Variants in CYB5B observed in about 807,000 individuals in gnomAD.
CYB5B encodes the protein cytochrome b5 type B (outer mitochondrial membrane).
Under a neutral mutation model 21.3 loss-of-function variants are expected in CYB5B, and 14 were observed. The ratio of observed to expected loss-of-function variants is 0.66; its 90% CI spans 0.43 to 1.03. The LOEUF is 1.03. Among genes scored for constraint, CYB5B ranks in the 50% least tolerant of loss-of-function variants. The pLI, the probability that CYB5B is intolerant of heterozygous loss-of-function variation, is 0.00. For synonymous variants in CYB5B, 69 were observed against 68.4 expected (o/e 1.01, Z -0.04); for missense variants, 166 against 185.1 (o/e 0.90, Z 0.60).
chr16:69,426,128 G>A (rs2014643611), intron 1 of CYB5B, among the ~76,000 whole-genome samples: 1 of 152,116 alleles, frequency 6.6e-6, no homozygotes, highest in African/African-American at 2.4e-5. Context: ...GGTCGGGCGC[G>A]GTGGCTCACG....
chr16:69,441,738 C>T (rs962339219), intron 1 of CYB5B, among the ~76,000 whole-genome samples: 2 of 152,128 alleles, frequency 1.3e-5, no homozygotes, highest in African/African-American at 2.4e-5. Context: ...TGGACATATA[C>T]AGTATAGAAA....
chr16:69,459,099 T>C lies in CYB5B; in HGVS notation c.340T>C (p.Ser114Pro), dbSNP rs2015008786. The C allele has an allele frequency of 6.2e-7, 1 of 1,603,492 alleles. No homozygotes were observed. The highest frequency in any genetic ancestry group is 8.5e-7 in the Non-Finnish European group (1 of 1,176,232). ...LKPESGSKDP[S>P]KNDTCKSCWA... ...TTTTTTTTTTTTATTTCAGGACCCT[T>C]CAAAAAATGATACATGCAAAAGGTT... is the stretch of plus-strand genomic sequence containing the variant. The change falls in exon 4 of 5, where the codon TCA (serine) becomes CCA (proline). Residue 114 changes from serine to proline, a missense_variant. Physicochemically the swap from Ser to Pro is moderately conservative, Grantham distance 74. Transcript: ENST00000307892.
At chr16:69,452,848 A>G (rs899750942) in intron 3 of CYB5B, among the ~76,000 whole-genome samples, 1 of 151,634 alleles carries the variant, frequency 6.6e-6, no homozygotes, top group Non-Finnish European at 1.5e-5. Flanking sequence ...AAAATACAAA[A>G]ATTAGCTGGG....
At chr16:69,426,699 C>CAA (rs11434223) in intron 1 of CYB5B, among the ~76,000 whole-genome samples, 14,396 of 95,098 alleles carry the variant, frequency 0.15, 1,660 homozygotes, top group Middle Eastern at 0.18. Context: ...AGCGAGACTC[C>CAA]AAAAAAAAAA....
At chr16:69,444,467 C>T (rs1468975558) in intron 1 of CYB5B, among the ~76,000 whole-genome samples, 1 of 152,180 alleles carries the variant, frequency 6.6e-6, no homozygotes, top group African/African-American at 2.4e-5. Flanking sequence ...GCTGGGCTGC[C>T]AGTGGCCCAT....
chr16:69,456,977 A>G (rs192831134), intron 3 of CYB5B, among the ~76,000 whole-genome samples: 10 of 152,302 alleles, frequency 6.6e-5, no homozygotes, highest in Admixed American at 6.5e-5. Context: ...CTACTTGGCT[A>G]TCAGTATCCT....
chr16:69,429,183 G>A (rs190961863), intron 1 of CYB5B, among the ~76,000 whole-genome samples: 103 of 152,228 alleles, frequency 6.8e-4, no homozygotes, highest in African/African-American at 2.5e-3. Context: ...ATAGACCTTC[G>A]CGGTGAGTGT....
intron 1 of CYB5B, among the ~76,000 whole-genome samples, chr16:69,441,621 C>T (rs2014824249): frequency 6.6e-6 from 1 of 152,306 alleles, no homozygotes; most frequent in Admixed American, 6.5e-5. Context: ...CAGAAAAATT[C>T]CTGTGCAACC....
chr16:69,431,217 G>C (rs2014702406), intron 1 of CYB5B, among the ~76,000 whole-genome samples: 1 of 151,360 alleles, frequency 6.6e-6, no homozygotes, highest in Non-Finnish European at 1.5e-5. Flanking sequence ...TCGAACTCCT[G>C]ACCTCAAGTG....
Position 69,466,173 on chromosome 16 carries a change from T to G in CYB5B, c.*3653T>G, listed in dbSNP as rs1182452460. 2 of 152,666 alleles carry G rather than the reference T, an allele frequency of 1.3e-5. No individual in the cohort carries two copies. Among genetic ancestry groups the G allele is most frequent in the Non-Finnish European group, 2.9e-5 (2 of 68,040 alleles). The allele number at this position is 152,666 out of a possible 1,614,324, so 9.5% of individuals were successfully genotyped here. ...AGTTAGTTTACCTTTTTCAGAATAT[T>G]TTGAACAAAGATCTTTGTCTCTTTC... is the stretch of plus-strand genomic sequence containing the variant. On this transcript the variant is annotated 3_prime_UTR_variant, in exon 5 of 5. Coordinates refer to ENST00000307892, the MANE Select transcript of CYB5B (RefSeq NM_030579.3).
intron 1 of CYB5B, among the ~76,000 whole-genome samples, chr16:69,440,419 A>G (rs1322175354): frequency 1.3e-5 from 2 of 152,198 alleles, no homozygotes; most frequent in Non-Finnish European, 2.9e-5. Flanking sequence ...TAGTAAGTGA[A>G]CACACTTGTA....
At chr16:69,447,377 C>T in intron 2 of CYB5B, 99 bp downstream of exon 2, 1 of 1,485,264 alleles carries the variant, frequency 6.7e-7, no homozygotes, top group Non-Finnish European at 9.1e-7. Flanking sequence ...CGTGGTGGCT[C>T]ACACCTGTCA....
chr16:69,426,549 A>G (rs961213186), intron 1 of CYB5B, among the ~76,000 whole-genome samples: 3 of 150,220 alleles, frequency 2.0e-5, no homozygotes, highest in Non-Finnish European at 4.4e-5. Flanking sequence ...TACTAAAAAT[A>G]CAAAAATTAG....
chr16:69,457,511 C>A (rs1369475293), intron 3 of CYB5B, among the ~76,000 whole-genome samples: 1 of 152,142 alleles, frequency 6.6e-6, no homozygotes, highest in Non-Finnish European at 1.5e-5. Flanking sequence ...TTCTCGGTTA[C>A]TGTAGTGGAA....
chr16:69,441,249 G>A (rs1039742174), intron 1 of CYB5B, among the ~76,000 whole-genome samples: 2 of 150,578 alleles, frequency 1.3e-5, no homozygotes, highest in Non-Finnish European at 2.9e-5. Context: ...CGCCTCCCGC[G>A]TTCAAGTGAT....
intron 1 of CYB5B, among the ~76,000 whole-genome samples, chr16:69,434,012 T>G (rs2014732480): frequency 6.6e-6 from 1 of 152,244 alleles, no homozygotes; most frequent in Non-Finnish European, 1.5e-5. Flanking sequence ...TATGGTATTA[T>G]AATCTTATGG....
chr16:69,456,297 T>A (rs955353270), intron 3 of CYB5B, among the ~76,000 whole-genome samples: 2 of 152,102 alleles, frequency 1.3e-5, no homozygotes, highest in Non-Finnish European at 2.9e-5. Context: ...TGAACCAAGG[T>A]GCCCAGCCCT....
At chr16:69,426,321 C>T (rs2014645746) in intron 1 of CYB5B, among the ~76,000 whole-genome samples, 1 of 151,186 alleles carries the variant, frequency 6.6e-6, no homozygotes, top group East Asian at 1.9e-4. Context: ...ATGGCGTGAA[C>T]CCGGGAGGTG....
At chr16:69,447,126 T>C in intron 1 of CYB5B, 24 bp from the exon 2 acceptor site, 1 of 1,611,292 alleles carries the variant, frequency 6.2e-7, no homozygotes, top group Non-Finnish European at 8.5e-7. Context: ...AACCCTCGGT[T>C]CAGTAAATAT....
Sources: allele counts gnomAD v4.1 joint callset (sites outside exome capture counted in the v4.1 genomes callset), GRCh38; gene constraint gnomAD v4.1.1; transcripts MANE v1.5; gene names NCBI Gene and HGNC (gene_info 2026-07-23, HGNC 2026-07-21).